Variants in NLGN1 observed in about 807,000 individuals in gnomAD.
The protein encoded by NLGN1 is neuroligin 1.
Under a neutral mutation model 65.5 loss-of-function variants are expected in NLGN1, and 12 were observed. The ratio of observed to expected loss-of-function variants is 0.18; its 90% CI spans 0.12 to 0.30. The LOEUF is 0.30. NLGN1 is among the 10% of genes least tolerant of loss of function. The pLI is 1.00. For missense variants in NLGN1, 750 were observed against 1,007.1 expected, an observed-to-expected ratio of 0.74 and a Z score of 3.46; for synonymous variants, 350 against 359.5, an observed-to-expected ratio of 0.97 and a Z score of 0.30.
At chr3:173,823,529 C>T (rs1024359188) in intron 4 of NLGN1, among the ~76,000 whole-genome samples, 2 of 151,920 alleles carry the variant, frequency 1.3e-5, no homozygotes, top group Admixed American at 6.6e-5. Flanking sequence ...TTCAACAGCA[C>T]ATGTAGTAGT....
At chr3:174,123,333 C>T (rs776109603) in intron 4 of NLGN1, among the ~76,000 whole-genome samples, 5 of 152,092 alleles carry the variant, frequency 3.3e-5, no homozygotes, top group South Asian at 2.1e-4. Flanking sequence ...GCCCATGCAT[C>T]GTCTGTGGTT....
chr3:173,500,055 C>A (rs1403168624), intron 2 of NLGN1, among the ~76,000 whole-genome samples: 2 of 152,096 alleles, frequency 1.3e-5, no homozygotes, highest in African/African-American at 2.4e-5. Flanking sequence ...CCTTCTCCTG[C>A]CTGATTGCCC....
intron 2 of NLGN1, among the ~76,000 whole-genome samples, chr3:173,471,704 A>G (rs1725342649): frequency 6.6e-6 from 1 of 152,094 alleles, no homozygotes; most frequent in African/African-American, 2.4e-5. Flanking sequence ...ACATTTATTA[A>G]GGATGGAATA....
intron 4 of NLGN1, among the ~76,000 whole-genome samples, chr3:173,968,083 T>G (rs1006462971): frequency 1.4e-4 from 21 of 152,184 alleles, no homozygotes; most frequent in African/African-American, 4.3e-4. Context: ...TTCAGACTTG[T>G]GTGTTTTTCT....
rs926936390 is a variant in NLGN1 at position 173,762,488 on chromosome 3, C to T, written c.494-45192C>T. ...TGAAATATACTATAGCTATAGAAAA[C>T]ATGCAAATGATGTGATTTTTTTCTT... On this transcript the variant is annotated intron_variant, in intron 3 of 6. Coordinates refer to ENST00000457714, the Ensembl canonical transcript of NLGN1. Among the ~76,000 whole-genome samples, 10 of 152,026 alleles carry T rather than the reference C, an allele frequency of 6.6e-5. 1 individual carries two copies. The highest frequency in any genetic ancestry group is 2.2e-4 in the African/African-American group (9 of 41,492).
intron 4 of NLGN1, among the ~76,000 whole-genome samples, chr3:174,262,953 A>C (rs1192737896): frequency 8.4e-6 from 1 of 119,746 alleles, no homozygotes; most frequent in East Asian, 2.5e-4. Flanking sequence ...CCCAGTAGTC[A>C]TTCAGGAGCA....
intron 3 of NLGN1, among the ~76,000 whole-genome samples, chr3:173,753,988 C>A (rs1288636884): frequency 1.0e-5 from 1 of 100,356 alleles, no homozygotes; most frequent in South Asian, 3.6e-4. Context: ...TACTCAGTTT[C>A]TTCAAGTACT....
chr3:174,170,355 T>C (rs1055644142), intron 4 of NLGN1, among the ~76,000 whole-genome samples: 3 of 152,330 alleles, frequency 2.0e-5, no homozygotes, highest in Middle Eastern at 3.4e-3. Flanking sequence ...AAAGCTGCTT[T>C]GCTTTTGTGT....
At chr3:173,667,239 G>GCACACACACACACACACACA (rs3032837) in intron 3 of NLGN1, among the ~76,000 whole-genome samples, 78 of 147,446 alleles carry the variant, frequency 5.3e-4, no homozygotes, top group African/African-American at 1.4e-3. Context: ...ACACGCATAT[G>GCACACACACACACACACACA]CACACACACA....
chr3:173,398,784 A>G (rs1717096835), intron 1 of NLGN1, among the ~76,000 whole-genome samples: 1 of 152,132 alleles, frequency 6.6e-6, no homozygotes, highest in South Asian at 2.1e-4. Flanking sequence ...TAATATACTC[A>G]TTTTCCCTCT....
At chr3:174,289,899 A>ATATATATATATATGTG (rs1561497230), downstream of NLGN1, among the ~76,000 whole-genome samples, 1 of 125,250 alleles carries the variant, frequency 8.0e-6, no homozygotes, top group African/African-American at 2.7e-5. Context: ...GGGGCACTTT[A>ATATATATATATATGTG]TATATATATA....
At chr3:173,429,957 C>G (rs1175935519) in intron 1 of NLGN1, among the ~76,000 whole-genome samples, 1 of 152,180 alleles carries the variant, frequency 6.6e-6, no homozygotes, top group African/African-American at 2.4e-5. Flanking sequence ...TGTGCCCTGG[C>G]TGGTACTAGC....
chr3:173,829,126 G>A (rs988831666), intron 4 of NLGN1, among the ~76,000 whole-genome samples: 5 of 152,092 alleles, frequency 3.3e-5, no homozygotes, highest in Admixed American at 2.0e-4. Context: ...GACCAGGATG[G>A]TGAGCGTGGA....
chr3:174,286,068 T>C (rs2152900175), exon 7 of NLGN1: 1 of 151,510 alleles, frequency 6.6e-6, no homozygotes, highest in South Asian at 2.1e-4. Flanking sequence ...GTAAGTTTAA[T>C]TTGAAAGAAG....
At chr3:174,115,049 G>A (rs1576947369) in intron 4 of NLGN1, among the ~76,000 whole-genome samples, 2 of 152,272 alleles carry the variant, frequency 1.3e-5, no homozygotes, top group East Asian at 3.9e-4. Context: ...ACAAAGGACT[G>A]TTGACTATGC....
At chr3:173,411,793 C>T (rs534047305) in intron 1 of NLGN1, among the ~76,000 whole-genome samples, 1 of 152,102 alleles carries the variant, frequency 6.6e-6, no homozygotes, top group East Asian at 1.9e-4. Context: ...CTACTTTTTC[C>T]TGCTTCTCTG....
chr3:173,655,404 G>A (rs866431879), intron 3 of NLGN1, among the ~76,000 whole-genome samples: 1 of 151,900 alleles, frequency 6.6e-6, no homozygotes, highest in African/African-American at 2.4e-5. Flanking sequence ...ACACATTTTA[G>A]TACAGATGGC....
chr3:174,077,013 A>G (rs1741155477), intron 4 of NLGN1, among the ~76,000 whole-genome samples: 1 of 152,230 alleles, frequency 6.6e-6, no homozygotes, highest in South Asian at 2.1e-4. Flanking sequence ...ATTAACATAC[A>G]GAATTCTCTA....
At chr3:173,770,792 G>A (rs2150260727) in intron 3 of NLGN1, among the ~76,000 whole-genome samples, 1 of 152,066 alleles carries the variant, frequency 6.6e-6, no homozygotes, top group East Asian at 1.9e-4. Flanking sequence ...GATTGAATAA[G>A]ATACTGCATG....
Sources: allele counts gnomAD v4.1 joint callset (sites outside exome capture counted in the v4.1 genomes callset), GRCh38; gene constraint gnomAD v4.1.1; transcripts MANE v1.5; gene names NCBI Gene and HGNC (gene_info 2026-07-23, HGNC 2026-07-21).